The following NUDT13 variants were observed in gnomAD, a reference collection of about 807,000 sequenced individuals.
NUDT13 encodes the protein NAD(P)H pyrophosphatase NUDT13, mitochondrial.
Under a neutral mutation model 41.7 loss-of-function variants are expected in NUDT13, and 40 were observed. That is an observed-to-expected ratio of 0.96 (90% CI 0.75 to 1.25). NUDT13 has a LOEUF of 1.25. Among genes scored for constraint, NUDT13 ranks in the 50% most tolerant of loss-of-function variants. NUDT13 has a pLI of 0.00. For missense variants in NUDT13, 390 were observed against 416.1 expected, an observed-to-expected ratio of 0.94 and a Z score of 0.55; for synonymous variants, 145 against 155.5, an observed-to-expected ratio of 0.93 and a Z score of 0.50.
chr10:73,117,135 G>A (rs1302426416), intron 2 of NUDT13, among the ~76,000 whole-genome samples: 6 of 150,682 alleles, frequency 4.0e-5, no homozygotes, highest in African/African-American at 1.2e-4. Flanking sequence ...CACCCACCTC[G>A]ACCTCCCAAA....
At chr10:73,116,096 C>T (rs1419612321) in intron 2 of NUDT13, among the ~76,000 whole-genome samples, 1 of 152,066 alleles carries the variant, frequency 6.6e-6, no homozygotes, top group South Asian at 2.1e-4. Context: ...CAGCCTCAAC[C>T]TCCCAGGCTG....
rs1842897326 is a variant in NUDT13 at position 73,130,643 on chromosome 10, A to G, written c.859-60A>G. ...TAGAATCATTTTCTGACCTTTGGCC[A>G]TAGTATTCTAAATTTTGTAGCTCCT... On this transcript the variant is annotated intron_variant, in intron 8 of 8. Transcript: ENST00000357321. 3.6e-6 allele frequency: 5 copies of G among 1,371,426 alleles called. No homozygotes were observed. The South Asian group carries it at 5.9e-5, about 16-fold the overall frequency. The allele number at this position is 1,371,426 out of a possible 1,614,324, so 85.0% of individuals were successfully genotyped here.
chr10:73,114,734 T>C (rs1842463706), intron 2 of NUDT13, among the ~76,000 whole-genome samples: 1 of 151,844 alleles, frequency 6.6e-6, no homozygotes, highest in Non-Finnish European at 1.5e-5. Flanking sequence ...CAAAATCTCT[T>C]TTACCTTCTC....
intron 4 of NUDT13, among the ~76,000 whole-genome samples, chr10:73,122,524 A>C (rs1412167099): frequency 2.0e-5 from 3 of 152,200 alleles, no homozygotes; most frequent in Non-Finnish European, 2.9e-5. Context: ...TGATGGGTAC[A>C]TGAATATTTA....
intron 2 of NUDT13, among the ~76,000 whole-genome samples, chr10:73,117,456 C>T (rs1478180603): frequency 6.7e-6 from 1 of 150,298 alleles, no homozygotes; most frequent in Non-Finnish European, 1.5e-5. Flanking sequence ...ACTTGGGAGG[C>T]TGAGGCAAGA....
At chr10:73,120,379 GC>G (rs1842614613) in intron 3 of NUDT13, among the ~76,000 whole-genome samples, 2 of 152,188 alleles carry the variant, frequency 1.3e-5, no homozygotes, top group Admixed American at 6.5e-5. Flanking sequence ...AACCACTAAT[GC>G]CTTAAACCAG....
In NUDT13 at chr10:73,114,345, T is replaced by C; in HGVS notation, c.-9-12T>C. The C allele has an allele frequency of 7.0e-7, 1 of 1,433,866 alleles. No homozygotes were observed. The highest frequency in any genetic ancestry group is 9.5e-7 in the Non-Finnish European group (1 of 1,052,138). 88.8% of individuals were successfully genotyped at this position (1,433,866 alleles called of 1,614,324 possible). A position where few individuals can be genotyped will look rare whatever the true frequency, so the allele number is the denominator to read the frequency against. ...ATGACTTTTTTTAAAACTCCTTTTT[T>C]TTTTTTTTAAGGACCTGACAATGTC... On this transcript the variant is annotated splice_polypyrimidine_tract_variant and intron_variant, in intron 1 of 8. Transcript: ENST00000357321.
At chr10:73,113,149 A>T (rs1376440494) in intron 1 of NUDT13, among the ~76,000 whole-genome samples, 1 of 152,204 alleles carries the variant, frequency 6.6e-6, no homozygotes, top group African/African-American at 2.4e-5. Flanking sequence ...GGCCTCCCAA[A>T]GTGCTGGGAT....
intron 7 of NUDT13, 108 bp from the exon 8 acceptor site, chr10:73,126,565 C>A: frequency 1.6e-6 from 2 of 1,232,432 alleles, no homozygotes; most frequent in Non-Finnish European, 2.3e-6. Flanking sequence ...CTCCCAAGAG[C>A]ATTTCATTGA....
At chr10:73,119,777 TG>T (rs1282400070) in intron 2 of NUDT13, among the ~76,000 whole-genome samples, 2 of 151,928 alleles carry the variant, frequency 1.3e-5, no homozygotes, top group African/African-American at 4.8e-5. Flanking sequence ...GACAGACAAA[TG>T]AACAAATAAA....
At chr10:73,113,538 T>C (rs911335606) in intron 1 of NUDT13, among the ~76,000 whole-genome samples, 1 of 152,238 alleles carries the variant, frequency 6.6e-6, no homozygotes, top group African/African-American at 2.4e-5. Flanking sequence ...AAGCTGGCTA[T>C]ATATTTGTTT....
chr10:73,112,813 A>C (rs1842401476), intron 1 of NUDT13, among the ~76,000 whole-genome samples: 4 of 151,890 alleles, frequency 2.6e-5, no homozygotes. Context: ...TTGTTTACTT[A>C]ATAATGTGTT....
In NUDT13 at chr10:73,118,638, G is replaced by A. The variant is rs181787874; in HGVS notation, c.84-1380G>A. Among the ~76,000 whole-genome samples the A allele has an allele frequency of 3.8e-3, 580 of 152,276 alleles. 2 individuals are homozygous for A. Among genetic ancestry groups the A allele is most frequent in the Non-Finnish European group, 6.4e-3 (438 of 68,020 alleles). ...CTATTGCCTGTTTTTGAGAAACCAA[G>A]AATAGGAGGATGTTCCCTTTTTCCA... On this transcript the variant is annotated intron_variant, in intron 2 of 8. Transcript: ENST00000357321.
intron 1 of NUDT13, among the ~76,000 whole-genome samples, chr10:73,113,716 C>T (rs1345256262): frequency 6.6e-6 from 1 of 152,142 alleles, no homozygotes; most frequent in Non-Finnish European, 1.5e-5. Flanking sequence ...CAAAACTGTC[C>T]AAGAATTCAT....
chr10:73,127,196 T>G (rs1457093719), intron 8 of NUDT13, among the ~76,000 whole-genome samples: 2 of 152,058 alleles, frequency 1.3e-5, no homozygotes, highest in Admixed American at 6.6e-5. Flanking sequence ...CTGGCCAAGA[T>G]AGTGAAACCT....
intron 3 of NUDT13, 100 bp from the exon 4 acceptor site, chr10:73,122,075 A>G: frequency 7.3e-7 from 1 of 1,374,818 alleles, no homozygotes; most frequent in Non-Finnish European, 9.9e-7. Flanking sequence ...TACCCACTTT[A>G]AGCTGAAGTA....
Position 73,131,803 on chromosome 10 carries a change from A to G in NUDT13, c.*900A>G, listed in dbSNP as rs1395441610. 1 of 152,182 alleles carries G rather than the reference A, an allele frequency of 6.6e-6. No individual in the cohort carries two copies. The highest frequency in any genetic ancestry group is 1.5e-5 in the Non-Finnish European group (1 of 68,034). 9.4% of individuals were successfully genotyped at this position (152,182 alleles called of 1,614,324 possible). A position where few individuals can be genotyped will look rare whatever the true frequency, so the allele number is the denominator to read the frequency against. On this transcript the variant is annotated 3_prime_UTR_variant, in exon 9 of 9. Coordinates refer to ENST00000357321, the MANE Select transcript of NUDT13 (RefSeq NM_015901.6). ...ATAAGGGAGAAGAGTTTATTTGGGG[A>G]AAATAAAAGAAATTTCCACACCTTT...
chr10:73,128,590 AT>A (rs1387714765), intron 8 of NUDT13, among the ~76,000 whole-genome samples: 2 of 152,094 alleles, frequency 1.3e-5, no homozygotes, highest in Admixed American at 1.3e-4. Flanking sequence ...TGGCTTATTT[AT>A]TTTTTGGTAT....
chr10:73,117,594 A>G (rs1174402243), intron 2 of NUDT13, among the ~76,000 whole-genome samples: 5 of 151,934 alleles, frequency 3.3e-5, no homozygotes, highest in African/African-American at 1.2e-4. Context: ...TCTATCAATA[A>G]AGAATATGAT....
Sources: gnomAD v4.1 joint callset for allele counts (sites outside exome capture counted in the v4.1 genomes callset) on GRCh38, gnomAD v4.1.1 for gene constraint, MANE v1.5 for transcripts, NCBI Gene and HGNC (gene_info 2026-07-23, HGNC 2026-07-21) for gene names.